Variants in SMC2 observed in about 807,000 individuals in gnomAD.
SMC2 encodes the protein structural maintenance of chromosomes 2.
In SMC2, 41 loss-of-function variants were observed where a neutral mutation model predicts 142.6. The ratio of observed to expected loss-of-function variants is 0.29; its 90% confidence interval spans 0.22 to 0.37. SMC2 has a LOEUF of 0.37. SMC2 is among the 10% of genes least tolerant of loss of function. The pLI is 1.00. For synonymous variants in SMC2, 463 were observed against 457.5 expected, an observed-to-expected ratio of 1.01 and a Z score of -0.15; for missense variants, 1,265 against 1,373.7, an observed-to-expected ratio of 0.92 and a Z score of 1.25.
intron 3 of SMC2, among the ~76,000 whole-genome samples, chr9:104,097,263 A>ATTT (rs200346269): frequency 6.7e-5 from 10 of 149,034 alleles, no homozygotes; most frequent in African/African-American, 2.2e-4. Flanking sequence ...CACCCGGCTA[A>ATTT]TTTTTTTTTG....
intron 9 of SMC2, among the ~76,000 whole-genome samples, chr9:104,104,324 T>C (rs1831509572): frequency 6.6e-6 from 1 of 152,216 alleles, no homozygotes; most frequent in African/African-American, 2.4e-5. Flanking sequence ...TATTACTTAT[T>C]GATAGGCAAC....
In SMC2 at chr9:104,111,686, G is replaced by T; in HGVS notation, c.1126G>T (p.Ala376Ser). 2.5e-6 allele frequency: 4 copies of T among 1,613,948 alleles called. No individual in the cohort carries two copies. Among genetic ancestry groups the T allele is most frequent in the Non-Finnish European group, 3.4e-6 (4 of 1,179,844 alleles). ...TAAAGATGCTGAAGCTCTGGCAGCT[G>T]CACAGCAGCACTTCAATGCTGTTTC... ...SNKDAEALAA[A>S]QQHFNAVSAG... Residue 376 changes from alanine to serine, a missense_variant, in exon 10 of 25, where the codon GCA becomes TCA. Around this residue, in one of 4 missense-constraint regions of SMC2, gnomAD observed 898 missense variants for 904.2 expected, o/e 0.99. Coordinates refer to ENST00000374793, the MANE Select transcript of SMC2 (RefSeq NM_006444.3).
At chr9:104,130,376 C>T (rs1383243085) in intron 21 of SMC2, among the ~76,000 whole-genome samples, 3 of 152,068 alleles carry the variant, frequency 2.0e-5, no homozygotes, top group African/African-American at 7.2e-5. Context: ...GAGGACCTAT[C>T]ACTAGAAAAA....
intron 7 of SMC2, among the ~76,000 whole-genome samples, chr9:104,101,619 A>G (rs529885119): frequency 1.3e-5 from 2 of 152,356 alleles, no homozygotes; most frequent in South Asian, 2.1e-4. Context: ...AAAGTATATT[A>G]GAGTAGGCAT....
At chr9:104,106,398 A>T (rs558054858) in intron 9 of SMC2, among the ~76,000 whole-genome samples, 30 of 151,382 alleles carry the variant, frequency 2.0e-4, no homozygotes, top group African/African-American at 7.0e-4. Flanking sequence ...TTATTTATTT[A>T]TTTTTTTGAG....
At chr9:104,131,933 GT>G (rs1195505828) in intron 21 of SMC2, 75 bp from the exon 22 acceptor site, 2 of 769,304 alleles carry the variant, frequency 2.6e-6, no homozygotes, top group African/African-American at 3.5e-5. Context: ...AATGAAAACT[GT>G]TTATTTCTGA....
intron 16 of SMC2, among the ~76,000 whole-genome samples, chr9:104,120,898 T>C (rs543418194): frequency 3.3e-5 from 5 of 152,280 alleles, no homozygotes; most frequent in African/African-American, 1.2e-4. Context: ...TTCATCTAGT[T>C]TTTTCTTGTT....
chr9:104,119,360 C>A (rs1238931239), intron 15 of SMC2, among the ~76,000 whole-genome samples: 1 of 152,122 alleles, frequency 6.6e-6, no homozygotes, highest in East Asian at 1.9e-4. Context: ...TTTAATTGAC[C>A]TTAGCATTCT....
intron 5 of SMC2, 97 bp downstream of exon 5, chr9:104,099,779 CATT>C (rs1251443297): frequency 6.7e-5 from 54 of 801,208 alleles, no homozygotes; most frequent in East Asian, 2.7e-5. Flanking sequence ...TTTTTGGAGA[CATT>C]ATTTGGGAAT....
At chr9:104,099,760 C>G (rs1305207038) in intron 5 of SMC2, 78 bp downstream of exon 5, 21 of 937,830 alleles carry the variant, frequency 2.2e-5, no homozygotes, top group Non-Finnish European at 2.6e-5. Context: ...TTTAAATATT[C>G]TATTAAAATT....
intron 18 of SMC2, among the ~76,000 whole-genome samples, 194 bp from the exon 19 acceptor site, chr9:104,126,447 C>CT (rs200351466): frequency 0.061 from 9,073 of 149,906 alleles, 731 homozygotes; most frequent in African/African-American, 0.19. Context: ...ATTACACATA[C>CT]TTTTTTTTTT....
chr9:104,095,390 TA>T lies in SMC2; in HGVS notation c.7del (p.Ile3LeufsTer6). 6.2e-7 allele frequency: 1 copy of T among 1,612,696 alleles called. No homozygotes were observed. The highest frequency in any genetic ancestry group is 8.5e-7 in the Non-Finnish European group (1 of 1,179,854). The part of the protein sequence containing the change: MH[I>X]KSIILEGFKS... ...GACCCAAGACAGTATCGAAAATGCA[TA>T]TTAAGTCAATTATTCTAGAGGGATT... On this transcript the variant is annotated frameshift_variant, in exon 2 of 25. Transcript: ENST00000374793. LOFTEE classifies it high-confidence loss of function.
At chr9:104,123,075 CAG>C in intron 16 of SMC2, 31 bp from the exon 17 acceptor site, 1 of 1,578,178 alleles carries the variant, frequency 6.3e-7, no homozygotes, top group South Asian at 1.2e-5. Flanking sequence ...AGAAAAATGA[CAG>C]TCATTTCTTA....
chr9:104,137,543 T>C (rs1835679671), intron 23 of SMC2, among the ~76,000 whole-genome samples: 1 of 152,144 alleles, frequency 6.6e-6, no homozygotes, highest in South Asian at 2.1e-4. Flanking sequence ...AGATTGTGTG[T>C]GTGTCTGTCT....
chr9:104,100,027 T>A, intron 5 of SMC2, 66 bp from the exon 6 acceptor site: 1 of 926,696 alleles, frequency 1.1e-6, no homozygotes, highest in Admixed American at 3.0e-5. Flanking sequence ...AAATGATATA[T>A]TTAATGTAAA....
At chr9:104,107,438 C>T (rs1034316180) in intron 9 of SMC2, among the ~76,000 whole-genome samples, 4 of 152,184 alleles carry the variant, frequency 2.6e-5, no homozygotes, top group African/African-American at 9.7e-5. Flanking sequence ...GTCATTGCAT[C>T]AGGCTAACAG....
chr9:104,112,771 A>C (rs977742726), intron 10 of SMC2, among the ~76,000 whole-genome samples: 24 of 152,134 alleles, frequency 1.6e-4, no homozygotes, highest in Non-Finnish European at 8.8e-5. Context: ...CAAGTGTATA[A>C]ATTCTTGAAG....
chr9:104,114,241 A>C (rs1366893714), intron 12 of SMC2, among the ~76,000 whole-genome samples, 160 bp downstream of exon 12: 1 of 152,148 alleles, frequency 6.6e-6, no homozygotes, highest in African/African-American at 2.4e-5. Context: ...ACATTTGTTG[A>C]AATGTTTTAA....
At chr9:104,126,970 C>CAGTCCCTCTT (rs538371138) in intron 19 of SMC2, among the ~76,000 whole-genome samples, 186 bp downstream of exon 19, 61 of 152,262 alleles carry the variant, frequency 4.0e-4, no homozygotes, top group African/African-American at 1.4e-3. Flanking sequence ...CAGCTTCTAG[C>CAGTCCCTCTT]AGTCCCTCTT....
Sources: allele counts gnomAD v4.1 joint callset (sites outside exome capture counted in the v4.1 genomes callset), GRCh38; gene constraint gnomAD v4.1.1; regional missense constraint gnomAD v4.1.1; transcripts MANE v1.5; gene names NCBI Gene and HGNC (gene_info 2026-07-23, HGNC 2026-07-21).